CREB5: variants seen among roughly 807,000 people sequenced by gnomAD.
The protein encoded by CREB5 is cyclic AMP-responsive element-binding protein 5.
A neutral mutation model predicts 57.1 loss-of-function variants in CREB5; 19 were observed. The ratio of observed to expected loss-of-function variants is 0.33; its 90% CI spans 0.23 to 0.49. CREB5 has a LOEUF of 0.49. Ranked by LOEUF, CREB5 falls within the 20% of genes least tolerant of loss-of-function variation. The probability of loss-of-function intolerance (pLI) is 0.99; values close to 1 mark genes in which losing one functional copy is unlikely to be tolerated. For synonymous variants in CREB5, 238 were observed against 238.3 expected, an observed-to-expected ratio of 1.00 and a Z score of 0.01; for missense variants, 579 against 671.6, an observed-to-expected ratio of 0.86 and a Z score of 1.52.
At chr7:28,805,327 T>G (rs1808649654) in intron 8 of CREB5, among the ~76,000 whole-genome samples, 1 of 152,012 alleles carries the variant, frequency 6.6e-6, no homozygotes, top group Admixed American at 6.5e-5. Context: ...GGAGTGAGTT[T>G]TAGTAAGTGG....
At chr7:28,740,527 GA>G (rs1408190971) in intron 7 of CREB5, among the ~76,000 whole-genome samples, 13 of 152,112 alleles carry the variant, frequency 8.5e-5, no homozygotes, top group African/African-American at 3.1e-4. Flanking sequence ...AGTCACCCAG[GA>G]AGAGAAACAT....
intron 5 of CREB5, among the ~76,000 whole-genome samples, chr7:28,660,381 G>GTTTTTTTTTTTTTTTTTTT (rs10696255): frequency 8.4e-6 from 1 of 119,260 alleles, no homozygotes; most frequent in African/African-American, 3.3e-5. Context: ...GCATTCAACA[G>GTTTTTTTTTTTTTTTTTTT]TTTTTTTTTT....
intron 5 of CREB5, among the ~76,000 whole-genome samples, chr7:28,636,495 G>C (rs766429706): frequency 2.6e-5 from 4 of 152,196 alleles, no homozygotes; most frequent in Admixed American, 6.5e-5. Flanking sequence ...CTTCTTTCCT[G>C]TGTGGCACTT....
chr7:28,453,592 G>A (rs572235542), intron 1 of CREB5, among the ~76,000 whole-genome samples: 12 of 152,314 alleles, frequency 7.9e-5, no homozygotes, highest in Admixed American at 3.3e-4. Flanking sequence ...CCTAGCAGGC[G>A]TGTCTTGCTT....
intron 5 of CREB5, among the ~76,000 whole-genome samples, chr7:28,706,821 A>G (rs1802133001): frequency 6.6e-6 from 1 of 152,116 alleles, no homozygotes; most frequent in African/African-American, 2.4e-5. Flanking sequence ...TGGTAGCTTG[A>G]CTGTCCCTAG....
chr7:28,649,471 C>T (rs1262258483), intron 5 of CREB5, among the ~76,000 whole-genome samples: 1 of 152,158 alleles, frequency 6.6e-6, no homozygotes, highest in Non-Finnish European at 1.5e-5. Flanking sequence ...CAATGGAGAA[C>T]AGATGGCCTG....
chr7:28,306,561 T>TTG (rs1785189987), intron 1 of CREB5, among the ~76,000 whole-genome samples: 3 of 132,932 alleles, frequency 2.3e-5, no homozygotes, highest in Non-Finnish European at 3.2e-5. Flanking sequence ...TTTTGTTTTT[T>TTG]TTTTTTTTTT....
At chr7:28,669,389 C>T (rs537193699) in intron 5 of CREB5, among the ~76,000 whole-genome samples, 5 of 152,260 alleles carry the variant, frequency 3.3e-5, no homozygotes, top group African/African-American at 1.2e-4. Context: ...ATGTTTGTGT[C>T]CTGGATTGGT....
At chr7:28,463,937 T>C (rs1790452907) in intron 1 of CREB5, among the ~76,000 whole-genome samples, 2 of 152,216 alleles carry the variant, frequency 1.3e-5, no homozygotes, top group Non-Finnish European at 2.9e-5. Context: ...TTAATTGCCA[T>C]GGCTAAAACC....
intron 5 of CREB5, among the ~76,000 whole-genome samples, chr7:28,643,110 G>A (rs898925846): frequency 2.6e-5 from 4 of 151,892 alleles, no homozygotes; most frequent in Non-Finnish European, 4.4e-5. Context: ...CTCAATTGTC[G>A]GGTCCTGAGG....
intron 5 of CREB5, among the ~76,000 whole-genome samples, chr7:28,647,164 C>T (rs1798920456): frequency 1.3e-5 from 2 of 151,356 alleles, no homozygotes; most frequent in South Asian, 4.2e-4. Flanking sequence ...AGATGACCAG[C>T]AGTGATGGTG....
In CREB5 at chr7:28,442,697, C is replaced by T. The variant is rs190427409; in HGVS notation, c.3+29780C>T. 2.0e-5 allele frequency among the ~76,000 whole-genome samples: 3 copies of T among 152,100 alleles called. No homozygotes were observed. The East Asian group carries it at 5.8e-4, about 29-fold the overall frequency. On this transcript the variant is annotated intron_variant, in intron 1 of 10. Transcript: ENST00000357727. The stretch of plus-strand genomic sequence containing the variant: ...TCGTTGTGGTTTTGATTTGCATTTT[C>T]CTTTATGAGTTTTAACCACTAAGTT...
chr7:28,780,871 T>C lies in CREB5; in HGVS notation c.703-23328T>C, dbSNP rs561850519. On this transcript the variant is annotated intron_variant, in intron 7 of 10. Coordinates refer to ENST00000357727, the MANE Select transcript of CREB5 (RefSeq NM_182898.4). ...TTTTCTCCCTGTTTGCACTGTAGTT[T>C]TGTACACTGTGTAGTTTTGCATTTA... Among the ~76,000 whole-genome samples, 10 of 148,752 alleles carry C rather than the reference T, an allele frequency of 6.7e-5. No homozygotes were observed. The East Asian group carries it at 1.9e-3, about 29-fold the overall frequency.
intron 1 of CREB5, among the ~76,000 whole-genome samples, chr7:28,417,316 A>T (rs1458136475): frequency 6.6e-6 from 1 of 152,028 alleles, no homozygotes. Flanking sequence ...CCATATAAAA[A>T]TGTTAATGTA....
chr7:28,425,116 G>A (rs1046655542), intron 1 of CREB5, among the ~76,000 whole-genome samples: 1 of 152,012 alleles, frequency 6.6e-6, no homozygotes, highest in South Asian at 2.1e-4. Context: ...TATACAAATG[G>A]CCAGTAAGCA....
intron 4 of CREB5, among the ~76,000 whole-genome samples, chr7:28,551,082 A>G (rs1241037089): frequency 6.6e-6 from 1 of 152,158 alleles, no homozygotes; most frequent in Admixed American, 6.5e-5. Flanking sequence ...TCCACAGAAA[A>G]AGGGGCAAGT....
At chr7:28,440,613 T>C (rs935714302) in intron 1 of CREB5, among the ~76,000 whole-genome samples, 20 of 152,194 alleles carry the variant, frequency 1.3e-4, no homozygotes, top group African/African-American at 4.8e-4. Flanking sequence ...GGAAGCTTAA[T>C]TTAATAGCCA....
At chr7:28,814,466 C>G (rs1361764732) in intron 9 of CREB5, among the ~76,000 whole-genome samples, 1 of 152,194 alleles carries the variant, frequency 6.6e-6, no homozygotes, top group African/African-American at 2.4e-5. Flanking sequence ...GCTTTGGAAT[C>G]TGCCCTACTA....
intron 1 of CREB5, among the ~76,000 whole-genome samples, chr7:28,319,961 C>T (rs149968029): frequency 9.2e-5 from 14 of 151,912 alleles, no homozygotes; most frequent in African/African-American, 2.2e-4. Flanking sequence ...GACAAGTTCT[C>T]GCTCTGTCAC....
Sources: allele counts gnomAD v4.1 joint callset (sites outside exome capture counted in the v4.1 genomes callset), GRCh38; gene constraint gnomAD v4.1.1; transcripts MANE v1.5; gene names NCBI Gene and HGNC (gene_info 2026-07-23, HGNC 2026-07-21).